Variants in METTL2B observed in about 807,000 individuals in gnomAD.
METTL2B encodes the protein methyltransferase 2B, tRNA N3-cytidine, also known as tRNA N(3)-cytidine methyltransferase METTL2B.
A neutral mutation model predicts 51.0 loss-of-function variants in METTL2B; 28 were observed. That is an observed-to-expected ratio of 0.55 (90% CI 0.41 to 0.75). The LOEUF (loss-of-function observed/expected upper bound fraction) is 0.75. Ranked by LOEUF, METTL2B falls within the 30% of genes least tolerant of loss-of-function variation. The probability of loss-of-function intolerance (pLI) is 0.00; values close to 1 mark genes in which losing one functional copy is unlikely to be tolerated. For missense variants in METTL2B, 313 were observed against 460.7 expected, an observed-to-expected ratio of 0.68 and a Z score of 2.93; for synonymous variants, 128 against 166.3, an observed-to-expected ratio of 0.77 and a Z score of 1.77.
chr7:128,498,266 C>G, intron 7 of METTL2B, 124 bp downstream of exon 7: 1 of 1,173,542 alleles, frequency 8.5e-7, no homozygotes, highest in Middle Eastern at 3.2e-4. Flanking sequence ...ACCATATTTT[C>G]TCACTCATAA....
intron 4 of METTL2B, chr7:128,483,394 C>G (rs1341965553): frequency 6.6e-6 from 1 of 152,400 alleles, no homozygotes; most frequent in Admixed American, 6.5e-5. Context: ...CCTCTTATCC[C>G]TCAGTGCACT....
At chr7:128,476,932 G>A (rs2116836482) in intron 1 of METTL2B, 57 bp downstream of exon 1, 2 of 1,497,546 alleles carry the variant, frequency 1.3e-6, no homozygotes, top group South Asian at 1.2e-5. Context: ...CGCCGCCTCG[G>A]AGCATTCCGA....
intron 5 of METTL2B, among the ~76,000 whole-genome samples, chr7:128,492,111 ACCT>A (rs1289983819): frequency 6.8e-6 from 1 of 147,458 alleles, no homozygotes; most frequent in East Asian, 2.0e-4. Flanking sequence ...TGATTCTCCC[ACCT>A]CCTGTGTAAC....
chr7:128,502,706 G>A lies in METTL2B; in HGVS notation c.*790G>A, dbSNP rs548694311. On this transcript the variant is annotated 3_prime_UTR_variant, in exon 9 of 9. Coordinates refer to ENST00000262432, the MANE Select transcript of METTL2B (RefSeq NM_018396.3). ...CTGAGGTCAGGAGTTCGAGACCAGC[G>A]TGGCCAACATGGTGAAACCCCGTCT... 2.7e-4 allele frequency: 109 copies of A among 406,714 alleles called. No homozygotes were observed. The highest frequency in any genetic ancestry group is 4.5e-4 in the Non-Finnish European group (94 of 209,224). The allele number at this position is 406,714 out of a possible 1,614,324, so 25.2% of individuals were successfully genotyped here.
At chr7:128,481,934 G>A (rs1333937377) in intron 4 of METTL2B, among the ~76,000 whole-genome samples, 3 of 152,080 alleles carry the variant, frequency 2.0e-5, no homozygotes, top group South Asian at 4.1e-4. Context: ...ATAAGTCACC[G>A]TTCCCAGCCT....
chr7:128,477,734 G>A (rs1384981966), intron 2 of METTL2B, among the ~76,000 whole-genome samples: 2 of 151,546 alleles, frequency 1.3e-5, no homozygotes, highest in South Asian at 4.2e-4. Context: ...TGATTTCACT[G>A]CAAAATATCC....
chr7:128,499,065 T>TA (rs1792979049), intron 7 of METTL2B, among the ~76,000 whole-genome samples: 1 of 151,516 alleles, frequency 6.6e-6, no homozygotes, highest in African/African-American at 2.4e-5. Flanking sequence ...AAGATGCCAT[T>TA]AAAAATGTAA....
chr7:128,487,878 G>A (rs1792745320), intron 4 of METTL2B, among the ~76,000 whole-genome samples: 2 of 151,910 alleles, frequency 1.3e-5, no homozygotes, highest in East Asian at 1.9e-4. Flanking sequence ...AAACTCCCTG[G>A]TTGTTTTATA....
intron 4 of METTL2B, among the ~76,000 whole-genome samples, chr7:128,480,919 G>A (rs1319405901): frequency 6.6e-6 from 1 of 152,210 alleles, no homozygotes; most frequent in African/African-American, 2.4e-5. Context: ...GGAAAATATG[G>A]ATTATGTCAG....
intron 5 of METTL2B, among the ~76,000 whole-genome samples, chr7:128,489,600 T>A (rs1792789091): frequency 6.6e-6 from 1 of 151,214 alleles, no homozygotes. Flanking sequence ...GGGGTAGTGG[T>A]TGCTAAGGGC....
chr7:128,480,858 A>G (rs1457349468), intron 4 of METTL2B, among the ~76,000 whole-genome samples, 162 bp downstream of exon 4: 1 of 152,260 alleles, frequency 6.6e-6, no homozygotes, highest in Non-Finnish European at 1.5e-5. Context: ...AAGAAAAAAA[A>G]GTAAAGATTT....
intron 2 of METTL2B, 26 bp from the exon 3 acceptor site, chr7:128,479,132 T>TAA (rs1799841269): frequency 6.4e-7 from 1 of 1,565,126 alleles, no homozygotes; most frequent in African/African-American, 1.4e-5. Context: ...AGCTGGTTCT[T>TAA]AAAATTTTTT....
chr7:128,489,081 C>T (rs912499242), intron 5 of METTL2B, among the ~76,000 whole-genome samples: 2 of 152,118 alleles, frequency 1.3e-5, no homozygotes, highest in African/African-American at 4.8e-5. Context: ...CGCCACTGCA[C>T]TCCAGCTAGA....
At chr7:128,490,598 C>T (rs1457860673) in intron 5 of METTL2B, among the ~76,000 whole-genome samples, 4 of 152,278 alleles carry the variant, frequency 2.6e-5, no homozygotes, top group East Asian at 1.9e-4. Flanking sequence ...TTTTTTCCCT[C>T]TTTGCATACC....
At position 128,479,083 on chromosome 7, in the gene METTL2B, G is replaced by C. The variant is rs1046050116; in HGVS notation, c.203-75G>C. The C allele has an allele frequency of 4.6e-5, 65 of 1,410,080 alleles. No homozygotes were observed. In the African/African-American group the frequency reaches 8.4e-4, roughly 18 times the overall value. 87.3% of individuals were successfully genotyped at this position (1,410,080 alleles called of 1,614,324 possible). A position where few individuals can be genotyped will look rare whatever the true frequency, so the allele number is the denominator to read the frequency against. The stretch of plus-strand genomic sequence containing the variant: ...TAGTATTAAAGTGACATTTGGTAAA[G>C]CAGGATAATTGACGTTAGATATAAA... On this transcript the variant is annotated intron_variant, in intron 2 of 8. Coordinates refer to ENST00000262432, the MANE Select transcript of METTL2B (RefSeq NM_018396.3).
intron 6 of METTL2B, among the ~76,000 whole-genome samples, chr7:128,495,414 A>G (rs1361724119): frequency 6.6e-6 from 1 of 152,188 alleles, no homozygotes; most frequent in Non-Finnish European, 1.5e-5. Flanking sequence ...CTTCATATGC[A>G]TAGGTAACCA....
At chr7:128,493,694 C>T in intron 5 of METTL2B, 110 bp from the exon 6 acceptor site, 2 of 1,431,432 alleles carry the variant, frequency 1.4e-6, no homozygotes, top group Non-Finnish European at 1.9e-6. Context: ...AGAAATAGAT[C>T]CCTCTTCGTG....
At chr7:128,477,301 G>A (rs1247040661) in intron 2 of METTL2B, 128 bp downstream of exon 2, 1 of 1,271,520 alleles carries the variant, frequency 7.9e-7, no homozygotes, top group Non-Finnish European at 1.1e-6. Flanking sequence ...CTCAGGAGTA[G>A]AGCAGGACAG....
At chr7:128,492,777 C>T (rs1257190673) in intron 5 of METTL2B, among the ~76,000 whole-genome samples, 1 of 151,882 alleles carries the variant, frequency 6.6e-6, no homozygotes, top group Non-Finnish European at 1.5e-5. Flanking sequence ...CCACCACACC[C>T]GGCTAATTTT....
Sources: gnomAD v4.1 joint callset for allele counts (sites outside exome capture counted in the v4.1 genomes callset) on GRCh38, gnomAD v4.1.1 for gene constraint, MANE v1.5 for transcripts, NCBI Gene and HGNC (gene_info 2026-07-23, HGNC 2026-07-21) for gene names.